The following ZNF578 variants were observed in gnomAD, a reference collection of about 807,000 sequenced individuals.
ZNF578 encodes Putative chemokine-related protein B42.
In ZNF578, 8 loss-of-function variants were observed where a neutral mutation model predicts 8.3. That is an observed-to-expected ratio of 0.96 (90% CI 0.56 to 1.74). The LOEUF is 1.74. ZNF578 is among the 40% of genes most tolerant of loss of function. ZNF578 has a pLI of 0.00. For missense variants in ZNF578, 726 were observed against 707.5 expected, an observed-to-expected ratio of 1.03 and a Z score of -0.30; for synonymous variants, 206 against 232.2, an observed-to-expected ratio of 0.89 and a Z score of 1.03.
intron 2 of ZNF578, chr19:52,473,199 C>T (rs1254698366): frequency 1.3e-5 from 2 of 152,432 alleles, no homozygotes; most frequent in Non-Finnish European, 2.9e-5. Flanking sequence ...TTGATTAACG[C>T]TCATGATGAA....
At chr19:52,459,769 A>ATATTTTTT (rs1555751349) in intron 2 of ZNF578, among the ~76,000 whole-genome samples, 297 of 17,618 alleles carry the variant, frequency 0.017, 58 homozygotes, top group Middle Eastern at 0.5. Flanking sequence ...ATATATATAT[A>ATATTTTTT]TTTTTTTTTT....
chr19:52,510,574 A>G lies in ZNF578; in HGVS notation c.193A>G (p.Ile65Val), dbSNP rs746653862. 28 of 1,528,554 alleles carry G rather than the reference A, an allele frequency of 1.8e-5. No individual in the cohort carries two copies. Among genetic ancestry groups the G allele is most frequent in the East Asian group, 9.0e-5 (4 of 44,230 alleles). 94.7% of individuals were successfully genotyped at this position (1,528,554 alleles called of 1,614,324 possible). ...GTATTGGTGTTTATATTTTGTAGAT[A>G]TCTCTTCCAAACGCATGATGAAGGA... Reference protein sequence around the residue: ...ENYRNLEAVDISSKRMMKEVL... With the variant: ...ENYRNLEAVDVSSKRMMKEVL... The change falls in exon 6 of 6, where the codon ATC becomes GTC. Residue 65 changes from isoleucine to valine, a missense_variant and splice_region_variant. Ile to Val is a conservative substitution (Grantham distance 29). Transcript: ENST00000421239.
chr19:52,488,435 A>C (rs1179592799), intron 2 of ZNF578, among the ~76,000 whole-genome samples: 2 of 151,866 alleles, frequency 1.3e-5, no homozygotes, highest in Non-Finnish European at 2.9e-5. Context: ...GGTGAAACCC[A>C]GTCTCTACTA....
chr19:52,461,193 C>A (rs1599880884), intron 2 of ZNF578, among the ~76,000 whole-genome samples: 1 of 152,184 alleles, frequency 6.6e-6, no homozygotes, highest in African/African-American at 2.4e-5. Flanking sequence ...TCCATCCCTT[C>A]CTTCCAGATG....
chr19:52,503,800 C>CT (rs59166209), intron 4 of ZNF578, among the ~76,000 whole-genome samples: 3,783 of 125,444 alleles, frequency 0.03, 210 homozygotes, highest in African/African-American at 0.092. Context: ...CCTGTGTTTG[C>CT]TTTTTTTTTT....
Position 52,510,746 on chromosome 19 carries a change from G to A in ZNF578, c.365G>A (p.Arg122Lys). 1 of 1,612,808 alleles carries A rather than the reference G, an allele frequency of 6.2e-7. No individual in the cohort carries two copies. Among genetic ancestry groups the A allele is most frequent in the Non-Finnish European group, 8.5e-7 (1 of 1,179,500 alleles). The change falls in exon 6 of 6, where the codon AGA (arginine) becomes AAA (lysine). Residue 122 changes from arginine (R) to lysine (K), a missense_variant. By Grantham distance (26) the Arg-to-Lys change is conservative. Coordinates refer to ENST00000421239, the MANE Select transcript of ZNF578 (RefSeq NM_001099694.2). Reference sequence around the variant, plus strand: ...GAGTTTCAGTCACAAAAAGATGAAAGAAATGGCCATGAAGCATCCATGCCA... The same window carrying A: ...GAGTTTCAGTCACAAAAAGATGAAAAAAATGGCCATGAAGCATCCATGCCA... ...DFEFQSQKDE[R>K]NGHEASMPKI...
intron 4 of ZNF578, among the ~76,000 whole-genome samples, chr19:52,504,315 T>C (rs1285453327): frequency 6.9e-6 from 1 of 145,900 alleles, no homozygotes; most frequent in Non-Finnish European, 1.6e-5. Flanking sequence ...GGTCTCGAAC[T>C]CTTGAACTCA....
At chr19:52,492,851 C>T (rs36680) in intron 3 of ZNF578, 13,280 of 152,352 alleles carry the variant, frequency 0.087, 691 homozygotes, top group Middle Eastern at 0.17. Flanking sequence ...GAGTGAAGGT[C>T]CTACCGCGGC....
chr19:52,510,539 AATT>A (rs769273820), intron 5 of ZNF578, 30 bp from the exon 6 acceptor site: 1 of 1,494,614 alleles, frequency 6.7e-7, no homozygotes, highest in East Asian at 2.3e-5. Context: ...ATCTGCACTT[AATT>A]GCAAACGTAT....
In ZNF578 at chr19:52,469,161, T is replaced by G. The variant is rs2059284167; in HGVS notation, c.-122+12203T>G. ...CAGACTTTGGTACCTGGAGTGGTTTTTTTTTGTTTTTTTTTTTTTGACAGG... is the reference window on the plus strand; with the variant it reads ...CAGACTTTGGTACCTGGAGTGGTTTGTTTTTGTTTTTTTTTTTTTGACAGG... On this transcript the variant is annotated intron_variant, in intron 2 of 5. Transcript: ENST00000421239. Among the ~76,000 whole-genome samples the G allele has an allele frequency of 1.2e-4, 5 of 42,490 alleles. No homozygotes were observed. In the South Asian group the frequency reaches 3.8e-3, roughly 32 times the overall value. The allele number at this position is 42,490 out of a possible 152,430, so 27.9% of individuals were successfully genotyped here. A position where few individuals can be genotyped will look rare whatever the true frequency, so the allele number is the denominator to read the frequency against.
chr19:52,512,115 CTTGA>C lies in ZNF578; in HGVS notation c.1741_1744del (p.Asp581HisfsTer69). ...ATGAGTGTGGTAAGGCTCACAATCA[CTTGA>C]TTGATTCATCAATCAAGCCTTGCAT... On this transcript the variant is annotated frameshift_variant, in exon 6 of 6. Transcript: ENST00000421239. LOFTEE classifies it low-confidence loss of function (END_TRUNC). 2 of 1,609,292 alleles carry C rather than the reference CTTGA, an allele frequency of 1.2e-6. No homozygotes were observed. The highest frequency in any genetic ancestry group is 2.3e-5 in the East Asian group (1 of 44,426).
At position 52,511,536 on chromosome 19, in the gene ZNF578, C is replaced by G. The variant is rs771665711; in HGVS notation, c.1155C>G (p.Thr385=). The change falls in exon 6 of 6, where the codon ACC becomes ACG. Residue 385 remains threonine, a synonymous_variant. Coordinates refer to ENST00000421239, the MANE Select transcript of ZNF578 (RefSeq NM_001099694.2). ...GCAAGATGTTTGGTCAAAATTCAACCCTTGTAATTCATAAGGCAATTCATA... is the reference window on the plus strand; with the variant it reads ...GCAAGATGTTTGGTCAAAATTCAACGCTTGTAATTCATAAGGCAATTCATA... The part of the protein sequence containing the change: ...ECGKMFGQNS[T]LVIHKAIHTG... 9.9e-6 allele frequency: 16 copies of G among 1,613,662 alleles called. No individual in the cohort carries two copies. The highest frequency in any genetic ancestry group is 3.3e-5 in the Admixed American group (2 of 59,990).
At chr19:52,460,173 A>G (rs4802951) in intron 2 of ZNF578, among the ~76,000 whole-genome samples, 128,395 of 151,816 alleles carry the variant, frequency 0.85, 56,158 homozygotes, top group Non-Finnish European at 0.96. Context: ...CCATGCCCAG[A>G]AGTGGGATTG....
At chr19:52,458,250 A>G (rs1441348347) in intron 2 of ZNF578, 1 of 152,450 alleles carries the variant, frequency 6.6e-6, no homozygotes, top group African/African-American at 2.4e-5. Context: ...CATCCATCCT[A>G]TGGAGATTGT....
At chr19:52,501,307 G>C (rs2059406382) in intron 3 of ZNF578, among the ~76,000 whole-genome samples, 1 of 152,312 alleles carries the variant, frequency 6.6e-6, no homozygotes, top group African/African-American at 2.4e-5. Context: ...GCTCAACCCT[G>C]GCTTCACATT....
At chr19:52,486,700 T>A (rs1357070778) in intron 2 of ZNF578, among the ~76,000 whole-genome samples, 2 of 151,586 alleles carry the variant, frequency 1.3e-5, no homozygotes, top group African/African-American at 4.9e-5. Context: ...GGATCTGGGG[T>A]GCCACAGGGT....
At chr19:52,504,254 C>G (rs978691305) in intron 4 of ZNF578, among the ~76,000 whole-genome samples, 1 of 152,020 alleles carries the variant, frequency 6.6e-6, no homozygotes, top group South Asian at 2.1e-4. Context: ...CAATGCCCGT[C>G]TAATTTTTAT....
chr19:52,511,463 A>G lies in ZNF578; in HGVS notation c.1082A>G (p.His361Arg), dbSNP rs549905463. 1.9e-6 allele frequency: 3 copies of G among 1,614,158 alleles called. No homozygotes were observed. The highest frequency in any genetic ancestry group is 2.5e-6 in the Non-Finnish European group (3 of 1,179,970). The change falls in exon 6 of 6, where the codon CAT becomes CGT. Residue 361 changes from histidine to arginine, a missense_variant. Coordinates refer to ENST00000421239, the MANE Select transcript of ZNF578 (RefSeq NM_001099694.2). ...AGTTACAAGTCATCCCTTAGATGCC[A>G]TCGTAGACTTCATACTGGAATAAAA... The part of the protein sequence containing the change: ...SFSYKSSLRC[H>R]RRLHTGIKPY...
chr19:52,472,087 C>G (rs2059293659), intron 2 of ZNF578, among the ~76,000 whole-genome samples: 1 of 152,088 alleles, frequency 6.6e-6, no homozygotes, highest in African/African-American at 2.4e-5. Context: ...CAAAAAGGCA[C>G]ATAGAAATAT....
Sources: allele counts gnomAD v4.1 joint callset (sites outside exome capture counted in the v4.1 genomes callset), GRCh38; gene constraint gnomAD v4.1.1; transcripts MANE v1.5; gene names NCBI Gene and HGNC (gene_info 2026-07-23, HGNC 2026-07-21).